Variants in FAM161A observed in about 807,000 individuals in gnomAD.
The protein encoded by FAM161A is protein FAM161A.
FAM161A carries 57 observed loss-of-function variants against 70.9 expected under a neutral mutation model. The ratio of observed to expected loss-of-function variants is 0.80; its 90% confidence interval spans 0.65 to 1.00. The LOEUF is 1.00. Ranked by LOEUF, FAM161A falls within the 50% of genes least tolerant of loss-of-function variation. The pLI, the probability that FAM161A is intolerant of heterozygous loss-of-function variation, is 0.00. For missense variants in FAM161A, 880 were observed against 836.0 expected, an observed-to-expected ratio of 1.05 and a Z score of -0.65; for synonymous variants, 299 against 295.7, an observed-to-expected ratio of 1.01 and a Z score of -0.12.
At chr2:61,800,435 C>G in the FAM161A span, among the ~76,000 whole-genome samples, 1 of 152,184 alleles carries the variant, frequency 6.6e-6, no homozygotes, top group East Asian at 1.9e-4. Context: ...TCTAGGGACC[C>G]AGGTTCCTCC....
chr2:61,839,960 A>T lies in FAM161A; in HGVS notation c.1044T>A (p.Tyr348Ter). ...CTTTAAATCGATTTGTTTTCTTTTT[A>T]TACTTAAGAAAGTCTCTCAGCTGCT... is the stretch of plus-strand genomic sequence containing the variant. ...REKQLRDFLK[Y>*]KKKTNRFKAR... The change falls in exon 3 of 7, where the codon TAT (tyrosine) becomes TAA (stop). Residue 348 changes from tyrosine to a stop codon, truncating the protein, a stop_gained. Coordinates refer to ENST00000404929, the MANE Select transcript of FAM161A (RefSeq NM_001201543.2). LOFTEE classifies it high-confidence loss of function. The T allele has an allele frequency of 6.2e-7, 1 of 1,614,150 alleles. No individual in the cohort carries two copies. Among genetic ancestry groups the T allele is most frequent in the South Asian group, 1.1e-5 (1 of 91,084 alleles).
In FAM161A at chr2:61,825,373, A is replaced by C; in HGVS notation, c.*1082T>G. On this transcript the variant is annotated 3_prime_UTR_variant, in exon 7 of 7. Transcript: ENST00000404929. ...TTTGGAGACTTGCCCTAGCCAAGTT[A>C]TTATGCACAATTTCATCATATAAAA... is the stretch of plus-strand genomic sequence containing the variant. 1 of 454,230 alleles carries C rather than the reference A, an allele frequency of 2.2e-6. No homozygotes were observed. Among genetic ancestry groups the C allele is most frequent in the South Asian group, 1.6e-5 (1 of 64,480 alleles). 28.1% of individuals were successfully genotyped at this position (454,230 alleles called of 1,614,324 possible).
intron 5 of FAM161A, among the ~76,000 whole-genome samples, chr2:61,832,723 C>A (rs1430962204): frequency 6.6e-6 from 1 of 152,156 alleles, no homozygotes. Flanking sequence ...AGTGCTCATG[C>A]CAGGGATCTA....
At chr2:61,821,196 G>A (rs918225181), downstream of FAM161A, among the ~76,000 whole-genome samples, 5 of 151,998 alleles carry the variant, frequency 3.3e-5, no homozygotes, top group Admixed American at 2.6e-4. Flanking sequence ...GGGACTACAG[G>A]CGCCTGCCAC....
chr2:61,824,391 CT>C (rs1672280127), downstream of FAM161A, among the ~76,000 whole-genome samples: 1 of 152,132 alleles, frequency 6.6e-6, no homozygotes, highest in African/African-American at 2.4e-5. Flanking sequence ...CAGATCATGT[CT>C]AACAAAGTGC....
At chr2:61,804,685 AAGAG>A in the FAM161A span, among the ~76,000 whole-genome samples, 1 of 151,136 alleles carries the variant, frequency 6.6e-6, no homozygotes, top group East Asian at 1.9e-4. Flanking sequence ...ACTCTGCTGA[AAGAG>A]AGAAGAAAGA....
At chr2:61,810,687 C>T in the FAM161A span, among the ~76,000 whole-genome samples, 11 of 151,538 alleles carry the variant, frequency 7.3e-5, no homozygotes, top group Non-Finnish European at 1.3e-4. Flanking sequence ...CTCGAACTCC[C>T]GACCTCAGGT....
chr2:61,839,806 A>G lies in FAM161A; in HGVS notation c.1198T>C (p.Cys400Arg), dbSNP rs781214333. 1 of 1,614,130 alleles carries G rather than the reference A, an allele frequency of 6.2e-7. No homozygotes were observed. The highest frequency in any genetic ancestry group is 1.1e-5 in the South Asian group (1 of 91,080). Residue 400 changes from cysteine to arginine, a missense_variant, in exon 3 of 7, where the codon TGT becomes CGT. Coordinates refer to ENST00000404929, the MANE Select transcript of FAM161A (RefSeq NM_001201543.2). ...TTCCTGCATCCACAAGCTGACCTAC[A>G]AGGCAGAGGAGATGAGTTCTGTAAA... ...EHLQNSSPLP[C>R]RSACGCRNPR... is the part of the protein sequence containing the mutation.
intron 1 of FAM161A, among the ~76,000 whole-genome samples, chr2:61,845,749 C>T (rs1019068864): frequency 2.6e-5 from 4 of 150,976 alleles, no homozygotes; most frequent in Admixed American, 6.6e-5. Flanking sequence ...GAGCCGTGAG[C>T]GCGCCACTGC....
At position 61,826,656 on chromosome 2, in the gene FAM161A, A is replaced by G. The variant is rs866016324; in HGVS notation, c.2007-57T>C. On this transcript the variant is annotated intron_variant, in intron 6 of 6. Transcript: ENST00000404929. ...GAAAAATGAGTTGGTTTAAAGGTAA[A>G]CAAACCCTCTGCAAGTATGCCACCG... is the stretch of plus-strand genomic sequence containing the variant. 3 of 1,478,072 alleles carry G rather than the reference A, an allele frequency of 2.0e-6. No individual in the cohort carries two copies. The South Asian group carries it at 3.5e-5, about 17-fold the overall frequency. The allele number at this position is 1,478,072 out of a possible 1,614,324, so 91.6% of individuals were successfully genotyped here. A position where few individuals can be genotyped will look rare whatever the true frequency, so the allele number is the denominator to read the frequency against.
At chr2:61,813,927 T>A in the FAM161A span, among the ~76,000 whole-genome samples, 3 of 152,138 alleles carry the variant, frequency 2.0e-5, no homozygotes, top group Non-Finnish European at 4.4e-5. Context: ...CCTTCAGGGA[T>A]ACAACATCAC....
At chr2:61,811,425 G>C in the FAM161A span, among the ~76,000 whole-genome samples, 1 of 151,754 alleles carries the variant, frequency 6.6e-6, no homozygotes, top group Admixed American at 6.6e-5. Context: ...CCAGGCTGGA[G>C]CACAGTGGTG....
chr2:61,846,846 G>A (rs1206805727), intron 1 of FAM161A: 1 of 435,754 alleles, frequency 2.3e-6, no homozygotes, highest in African/African-American at 2.0e-5. Context: ...GTTCGTTTTA[G>A]TAGCAGTGTC....
chr2:61,842,125 G>C lies in FAM161A; in HGVS notation c.419C>G (p.Ser140Cys). ...VIREDSLSDSSRSVSEKNSYH... is the reference protein window; with the variant it reads ...VIREDSLSDSCRSVSEKNSYH... The stretch of plus-strand genomic sequence containing the variant: ...TAACATTGAGTTACAAGCTTACCTG[G>C]AAGAGTCACTAAGAGAGTCTTCTCT... The change falls in exon 2 of 7, where the codon TCC becomes TGC. Residue 140 changes from serine to cysteine, a missense_variant. Ser to Cys is a moderately radical substitution (Grantham distance 112, BLOSUM62 -1). Coordinates refer to ENST00000404929, the MANE Select transcript of FAM161A (RefSeq NM_001201543.2). 6.5e-7 allele frequency: 1 copy of C among 1,539,080 alleles called. No individual in the cohort carries two copies. The highest frequency in any genetic ancestry group is 9.0e-7 in the Non-Finnish European group (1 of 1,111,728).
the FAM161A span, among the ~76,000 whole-genome samples, chr2:61,804,768 G>GAAAGAAAAAGAAAGAAAGAAAGAA: frequency 5.0e-5 from 6 of 118,952 alleles, no homozygotes; most frequent in African/African-American, 1.9e-4. Context: ...GAAAAAGAAA[G>GAAAGAAAAAGAAAGAAAGAAAGAA]AGAAAGAAAG....
chr2:61,817,156 G>A, the FAM161A span, among the ~76,000 whole-genome samples: 2 of 152,352 alleles, frequency 1.3e-5, no homozygotes, highest in African/African-American at 4.8e-5. Context: ...CGGGGACAGG[G>A]CCCTTCGCTT....
chr2:61,804,691 G>A, the FAM161A span, among the ~76,000 whole-genome samples: 16 of 148,018 alleles, frequency 1.1e-4, no homozygotes, highest in African/African-American at 3.5e-4. Context: ...CTGAAAGAGA[G>A]AAGAAAGAGA....
chr2:61,805,878 A>T, the FAM161A span, among the ~76,000 whole-genome samples: 2 of 152,018 alleles, frequency 1.3e-5, no homozygotes, highest in East Asian at 1.9e-4. Flanking sequence ...TACATATCTT[A>T]TTCACTAGGC....
chr2:61,813,547 CAAAAAAAAAAAAA>C, the FAM161A span, among the ~76,000 whole-genome samples: 1 of 55,966 alleles, frequency 1.8e-5, no homozygotes, highest in African/African-American at 6.9e-5. Flanking sequence ...GACTCCACCT[CAAAAAAAAAAAAA>C]AAAAAAAAAA....
Sources: allele counts gnomAD v4.1 joint callset (sites outside exome capture counted in the v4.1 genomes callset), GRCh38; gene constraint gnomAD v4.1.1; transcripts MANE v1.5; gene names NCBI Gene and HGNC (gene_info 2026-07-23, HGNC 2026-07-21).